Variants in NRXN3 observed in about 807,000 individuals in gnomAD.
The protein encoded by NRXN3 is neurexin 3, also known as neurexin III.
Under a neutral mutation model 137.6 loss-of-function variants are expected in NRXN3, and 32 were observed. The ratio of observed to expected loss-of-function variants is 0.23; its 90% CI spans 0.18 to 0.31. The LOEUF is 0.31. Ranked by LOEUF, NRXN3 falls within the 10% of genes least tolerant of loss-of-function variation. The probability of loss-of-function intolerance (pLI) is 1.00; values close to 1 mark genes in which losing one functional copy is unlikely to be tolerated. For synonymous variants in NRXN3, 798 were observed against 784.5 expected (o/e 1.02, Z -0.29); for missense variants, 1,574 against 2,062.5 (o/e 0.76, Z 4.59).
At chr14:78,539,394 A>G (rs986912888) in intron 4 of NRXN3, among the ~76,000 whole-genome samples, 1 of 151,362 alleles carries the variant, frequency 6.6e-6, no homozygotes, top group African/African-American at 2.4e-5. Context: ...TTTCTAGTTC[A>G]TTTGCATAGA....
chr14:78,497,359 T>A (rs564334805), intron 4 of NRXN3, among the ~76,000 whole-genome samples: 1 of 152,266 alleles, frequency 6.6e-6, no homozygotes, highest in East Asian at 1.9e-4. Flanking sequence ...CTTATAAATC[T>A]GCCTTGCCAT....
At chr14:79,300,984 A>G (rs2153223353) in intron 15 of NRXN3, among the ~76,000 whole-genome samples, 1 of 152,134 alleles carries the variant, frequency 6.6e-6, no homozygotes, top group East Asian at 1.9e-4. Flanking sequence ...CCTATATTGC[A>G]TTATTGAGGA....
At chr14:78,906,714 G>A (rs564941975) in intron 10 of NRXN3, among the ~76,000 whole-genome samples, 2 of 151,968 alleles carry the variant, frequency 1.3e-5, no homozygotes, top group Admixed American at 6.6e-5. Context: ...GACCAGATTC[G>A]GAAACTTGAA....
intron 4 of NRXN3, among the ~76,000 whole-genome samples, chr14:78,631,173 C>G (rs1209216705): frequency 6.6e-6 from 1 of 152,182 alleles, no homozygotes; most frequent in Non-Finnish European, 1.5e-5. Flanking sequence ...CCTCTTAGAT[C>G]TCAACTTCTA....
intron 10 of NRXN3, among the ~76,000 whole-genome samples, chr14:78,956,709 T>C (rs1451591584): frequency 6.6e-6 from 1 of 152,206 alleles, no homozygotes; most frequent in Non-Finnish European, 1.5e-5. Flanking sequence ...TATTGTGATT[T>C]CTATGGTCGT....
rs113574953 is a variant in NRXN3, at chr14:78,835,835, T to G, written c.2275+25491T>G. The stretch of plus-strand genomic sequence containing the variant: ...GCCCCTGTCCCTCAAAGACTCTAAG[T>G]CTATGCTATGTAGAAAATGCAGTGT... On this transcript the variant is annotated intron_variant, in intron 10 of 20. Coordinates refer to ENST00000335750, the MANE Select transcript of NRXN3 (RefSeq NM_001330195.2). Among the ~76,000 whole-genome samples, 774 of 152,192 alleles carry G rather than the reference T, an allele frequency of 5.1e-3. 17 individuals are homozygous for G. Among genetic ancestry groups the G allele is most frequent in the African/African-American group, 0.018 (737 of 41,528 alleles).
At chr14:79,616,373 T>C (rs1204543987) in intron 16 of NRXN3, among the ~76,000 whole-genome samples, 1 of 152,086 alleles carries the variant, frequency 6.6e-6, no homozygotes, top group African/African-American at 2.4e-5. Context: ...GGGAGTAGAA[T>C]TGGTGAATCT....
chr14:78,850,945 G>A (rs2099040900), intron 10 of NRXN3, among the ~76,000 whole-genome samples: 1 of 152,140 alleles, frequency 6.6e-6, no homozygotes, highest in Non-Finnish European at 1.5e-5. Flanking sequence ...TTCTTAAGCG[G>A]TTGTAGGTTT....
intron 4 of NRXN3, among the ~76,000 whole-genome samples, chr14:78,471,754 G>A (rs1443475847): frequency 1.3e-5 from 2 of 152,144 alleles, no homozygotes; most frequent in South Asian, 2.1e-4. Flanking sequence ...CTGTAGATCA[G>A]CTACCCCCCT....
At chr14:79,254,169 T>G (rs1204729337) in intron 15 of NRXN3, among the ~76,000 whole-genome samples, 1 of 152,150 alleles carries the variant, frequency 6.6e-6, no homozygotes, top group Non-Finnish European at 1.5e-5. Context: ...AAGGCCATCT[T>G]CCAAAAGTCC....
At chr14:79,855,930 G>A (rs55933107) in intron 20 of NRXN3, among the ~76,000 whole-genome samples, 13,553 of 152,218 alleles carry the variant, frequency 0.089, 1,012 homozygotes, top group East Asian at 0.38. Flanking sequence ...CTCCTAGAGA[G>A]TTCCGATGTT....
At chr14:78,187,291 T>G (rs1164159190) in intron 1 of NRXN3, among the ~76,000 whole-genome samples, 1 of 151,546 alleles carries the variant, frequency 6.6e-6, no homozygotes, top group Non-Finnish European at 1.5e-5. Flanking sequence ...CCTCAAAGCT[T>G]GCAATGCTCT....
At chr14:78,829,538 A>T (rs1297369817) in intron 10 of NRXN3, among the ~76,000 whole-genome samples, 1 of 152,150 alleles carries the variant, frequency 6.6e-6, no homozygotes, top group Non-Finnish European at 1.5e-5. Flanking sequence ...TATTAGTTTC[A>T]CTATGGATGT....
intron 10 of NRXN3, among the ~76,000 whole-genome samples, chr14:78,833,411 CA>C (rs2152413154): frequency 6.6e-6 from 1 of 152,288 alleles, no homozygotes; most frequent in East Asian, 1.9e-4. Flanking sequence ...AGGGGAATTG[CA>C]GTGTGTCCAT....
At chr14:79,730,547 A>G (rs1045714712) in intron 19 of NRXN3, among the ~76,000 whole-genome samples, 1 of 152,228 alleles carries the variant, frequency 6.6e-6, no homozygotes, top group Non-Finnish European at 1.5e-5. Context: ...AATTTTCTCT[A>G]TAAGATGAAT....
intron 3 of NRXN3, among the ~76,000 whole-genome samples, chr14:78,289,060 C>T (rs908663805): frequency 6.6e-6 from 1 of 152,172 alleles, no homozygotes; most frequent in Non-Finnish European, 1.5e-5. Flanking sequence ...GGAATCTGGG[C>T]AACCCCTATC....
intron 10 of NRXN3, among the ~76,000 whole-genome samples, chr14:78,887,098 A>G (rs2099145964): frequency 6.6e-6 from 1 of 152,112 alleles, no homozygotes; most frequent in Admixed American, 6.6e-5. Context: ...GATAGTGCCA[A>G]TCATTTATTT....
chr14:78,668,618 G>A (rs552400067), intron 6 of NRXN3, among the ~76,000 whole-genome samples: 2 of 152,106 alleles, frequency 1.3e-5, no homozygotes. Flanking sequence ...ACAGCCCTTC[G>A]GTGACAAGGA....
intron 19 of NRXN3, among the ~76,000 whole-genome samples, chr14:79,754,350 A>T (rs184104538): frequency 6.6e-6 from 1 of 151,536 alleles, no homozygotes; most frequent in East Asian, 2.0e-4. Flanking sequence ...TCTCAAAAAC[A>T]TAAATAAATA....
Sources: gnomAD v4.1 joint callset for allele counts (sites outside exome capture counted in the v4.1 genomes callset) on GRCh38, gnomAD v4.1.1 for gene constraint, MANE v1.5 for transcripts, NCBI Gene and HGNC (gene_info 2026-07-23, HGNC 2026-07-21) for gene names.